CDH4: variants seen among roughly 807,000 people sequenced by gnomAD.
The protein encoded by CDH4 is cadherin-4.
Under a neutral mutation model 86.0 loss-of-function variants are expected in CDH4, and 33 were observed. The ratio of observed to expected loss-of-function variants is 0.38; its 90% CI spans 0.29 to 0.51. The LOEUF (loss-of-function observed/expected upper bound fraction) is 0.51, where lower values mean the gene tolerates loss of function less well. Ranked by LOEUF, CDH4 falls within the 20% of genes least tolerant of loss-of-function variation. The pLI, the probability that CDH4 is intolerant of heterozygous loss-of-function variation, is 0.86. For missense variants in CDH4, 1,114 were observed against 1,307.4 expected, an observed-to-expected ratio of 0.85 and a Z score of 2.28; for synonymous variants, 555 against 549.4, an observed-to-expected ratio of 1.01 and a Z score of -0.14.
At chr20:61,331,668 G>GT (rs1568801242) in intron 2 of CDH4, among the ~76,000 whole-genome samples, 6 of 36,220 alleles carry the variant, frequency 1.7e-4, no homozygotes, top group African/African-American at 1.9e-4. Flanking sequence ...CCTGCCCCAG[G>GT]CTCACCTCCT....
At chr20:61,870,246 G>A (rs1457885679) in intron 6 of CDH4, among the ~76,000 whole-genome samples, 1 of 152,200 alleles carries the variant, frequency 6.6e-6, no homozygotes, top group African/African-American at 2.4e-5. Flanking sequence ...GTGGGCAGCA[G>A]GCCATCCGTG....
intron 6 of CDH4, among the ~76,000 whole-genome samples, chr20:61,866,930 A>T (rs1042907175): frequency 2.0e-5 from 3 of 152,144 alleles, no homozygotes; most frequent in Admixed American, 2.0e-4. Flanking sequence ...ATCCTGAGCC[A>T]CCTCCCAAAG....
At chr20:61,572,804 T>G (rs2185916) in intron 2 of CDH4, among the ~76,000 whole-genome samples, 1 of 152,022 alleles carries the variant, frequency 6.6e-6, no homozygotes, top group Non-Finnish European at 1.5e-5. Flanking sequence ...CTTATACAGA[T>G]GATTCCTCTT....
intron 4 of CDH4, among the ~76,000 whole-genome samples, chr20:61,819,203 C>T (rs1980889842): frequency 6.6e-6 from 1 of 152,242 alleles, no homozygotes; most frequent in Admixed American, 6.5e-5. Flanking sequence ...AGCCCCACGG[C>T]CAGGCCCTGT....
intron 2 of CDH4, among the ~76,000 whole-genome samples, chr20:61,312,579 T>A (rs1476964768): frequency 6.6e-6 from 1 of 152,014 alleles, no homozygotes; most frequent in Non-Finnish European, 1.5e-5. Flanking sequence ...TGCACCCCCT[T>A]CTTTGCTGAG....
chr20:61,335,261 G>A (rs929998217), intron 2 of CDH4, among the ~76,000 whole-genome samples: 6 of 152,266 alleles, frequency 3.9e-5, no homozygotes, highest in Admixed American at 6.5e-5. Flanking sequence ...TAAAGCTGCC[G>A]TGTATTTGGT....
At chr20:61,373,490 C>A (rs532877060) in intron 2 of CDH4, among the ~76,000 whole-genome samples, 1 of 152,332 alleles carries the variant, frequency 6.6e-6, no homozygotes, top group Admixed American at 6.5e-5. Context: ...GATGTTCTCC[C>A]ATTACATTTC....
chr20:61,654,862 G>A (rs1304709224), intron 2 of CDH4, among the ~76,000 whole-genome samples: 1 of 152,250 alleles, frequency 6.6e-6, no homozygotes, highest in Non-Finnish European at 1.5e-5. Context: ...GCTGTGCAGG[G>A]CCAGCTGCTC....
chr20:61,757,242 C>G (rs544413986), intron 3 of CDH4, among the ~76,000 whole-genome samples: 2 of 152,124 alleles, frequency 1.3e-5, no homozygotes, highest in East Asian at 1.9e-4. Context: ...GACCCCCCCC[C>G]CAGCCCCCTC....
chr20:61,907,688 G>C (rs2054805690), intron 8 of CDH4, among the ~76,000 whole-genome samples: 1 of 152,014 alleles, frequency 6.6e-6, no homozygotes, highest in Non-Finnish European at 1.5e-5. Flanking sequence ...CTCCTCTAGG[G>C]CCAGGTCAGC....
intron 2 of CDH4, among the ~76,000 whole-genome samples, chr20:61,521,417 G>GC (rs2085868198): frequency 6.6e-6 from 1 of 152,208 alleles, no homozygotes; most frequent in South Asian, 2.1e-4. Flanking sequence ...ATGGGAGGCA[G>GC]CGTCAGCCCT....
At chr20:61,766,085 C>G (rs2088695141) in intron 3 of CDH4, among the ~76,000 whole-genome samples, 1 of 152,002 alleles carries the variant, frequency 6.6e-6, no homozygotes, top group Admixed American at 6.5e-5. Flanking sequence ...AGGAAGGAGC[C>G]TGGGCCCACA....
At chr20:61,298,784 G>A (rs868368151) in intron 2 of CDH4, among the ~76,000 whole-genome samples, 2 of 145,724 alleles carry the variant, frequency 1.4e-5, no homozygotes, top group East Asian at 2.0e-4. Flanking sequence ...AAGCTGCGAA[G>A]GGGTCTGAAA....
chr20:61,711,617 G>A (rs2087894258), intron 2 of CDH4, among the ~76,000 whole-genome samples: 1 of 152,156 alleles, frequency 6.6e-6, no homozygotes, highest in Admixed American at 6.5e-5. Flanking sequence ...ATAATCTCCT[G>A]TCTCAAGATC....
intron 2 of CDH4, among the ~76,000 whole-genome samples, chr20:61,529,002 A>G (rs2085933547): frequency 6.6e-6 from 1 of 152,170 alleles, no homozygotes; most frequent in African/African-American, 2.4e-5. Context: ...TTCTGGTGAA[A>G]TGTTCGGTTT....
chr20:61,757,504 G>C (rs572708530), intron 3 of CDH4, among the ~76,000 whole-genome samples: 1 of 152,236 alleles, frequency 6.6e-6, no homozygotes, highest in Admixed American at 6.5e-5. Context: ...GGCCCCAGGG[G>C]CAGTCAGCTG....
intron 2 of CDH4, among the ~76,000 whole-genome samples, chr20:61,635,623 G>A (rs2086938591): frequency 6.6e-6 from 1 of 152,214 alleles, no homozygotes; most frequent in African/African-American, 2.4e-5. Flanking sequence ...CAGGGGCCGG[G>A]CAACAGAGGC....
At chr20:61,790,233 TC>T (rs1035853045) in intron 4 of CDH4, among the ~76,000 whole-genome samples, 1 of 151,486 alleles carries the variant, frequency 6.6e-6, no homozygotes, top group African/African-American at 2.4e-5. Flanking sequence ...CTACCATCCA[TC>T]CATTCATCTC....
chr20:61,928,243 A>G lies in CDH4; in HGVS notation c.1825A>G (p.Asn609Asp). Reference protein sequence around the residue: ...GTLQIYLIDINDNAPELLPKE... With the variant: ...GTLQIYLIDIDDNAPELLPKE... ...CCTCCAGATCTATCTCATTGACATC[A>G]ACGACAACGCCCCTGAGCTGCTGCC... Residue 609 changes from asparagine to aspartate, a missense_variant, in exon 12 of 16, where the codon AAC (asparagine) becomes GAC (aspartate). This residue lies in a region of CDH4 where 705 missense variants were observed against 914.1 expected (regional missense o/e 0.77). Coordinates refer to ENST00000614565, the MANE Select transcript of CDH4 (RefSeq NM_001794.5). 1 of 1,606,584 alleles carries G rather than the reference A, an allele frequency of 6.2e-7. No individual in the cohort carries two copies. The highest frequency in any genetic ancestry group is 8.5e-7 in the Non-Finnish European group (1 of 1,179,964).
Sources: allele counts gnomAD v4.1 joint callset (sites outside exome capture counted in the v4.1 genomes callset), GRCh38; gene constraint gnomAD v4.1.1; regional missense constraint gnomAD v4.1.1; transcripts MANE v1.5; gene names NCBI Gene and HGNC (gene_info 2026-07-23, HGNC 2026-07-21).